IL17RB: variants seen among roughly 807,000 people sequenced by gnomAD.
The protein encoded by IL17RB is interleukin-17 receptor B.
In IL17RB, 36 loss-of-function variants were observed where a neutral mutation model predicts 43.9. That is an observed-to-expected ratio of 0.82 (90% CI 0.63 to 1.08). The LOEUF is 1.08. Among genes scored for constraint, IL17RB ranks in the 50% least tolerant of loss-of-function variants. The probability of loss-of-function intolerance (pLI) is 0.00; values close to 1 mark genes in which losing one functional copy is unlikely to be tolerated. For synonymous variants in IL17RB, 225 were observed against 225.4 expected, an observed-to-expected ratio of 1.00 and a Z score of 0.02; for missense variants, 613 against 613.6, an observed-to-expected ratio of 1.00 and a Z score of 0.01.
chr3:53,846,667 C>A lies in IL17RB; in HGVS notation c.60+19C>A. 6.3e-7 allele frequency: 1 copy of A among 1,583,566 alleles called. No homozygotes were observed. The highest frequency in any genetic ancestry group is 8.6e-7 in the Non-Finnish European group (1 of 1,167,512). On this transcript the variant is annotated intron_variant, in intron 1 of 10. Coordinates refer to ENST00000288167, the MANE Select transcript of IL17RB (RefSeq NM_018725.4). ...AGAGCCGGTAAGCCCCCGCCAGCAC[C>A]TCTTCCCTCATCTCCCGGCCCTCGA...
intron 10 of IL17RB, among the ~76,000 whole-genome samples, chr3:53,863,523 T>C (rs1699648828): frequency 6.6e-6 from 1 of 152,230 alleles, no homozygotes; most frequent in Non-Finnish European, 1.5e-5. Flanking sequence ...CAGGGGCACC[T>C]GGACCTCAGG....
chr3:53,846,725 C>A (rs1379828202), intron 1 of IL17RB, 77 bp downstream of exon 1: 4 of 1,438,478 alleles, frequency 2.8e-6, no homozygotes, highest in Admixed American at 2.1e-5. Flanking sequence ...ATCCGCCAGT[C>A]CAGGCTGCCC....
chr3:53,863,243 T>TAGG (rs952196920), intron 10 of IL17RB, among the ~76,000 whole-genome samples: 28 of 152,192 alleles, frequency 1.8e-4, no homozygotes, highest in African/African-American at 5.8e-4. Context: ...TCAAAGGTTA[T>TAGG]AGGAGATTTT....
rs1322950767 is a variant in IL17RB at position 53,849,783 on chromosome 3, C to G, written c.214C>G (p.Leu72Val). 6.3e-7 allele frequency: 1 copy of G among 1,599,964 alleles called. No individual in the cohort carries two copies. Among genetic ancestry groups the G allele is most frequent in the East Asian group, 2.3e-5 (1 of 44,412 alleles). The change falls in exon 3 of 11, where the codon CTC (leucine) becomes GTC (valine). Residue 72 changes from leucine (L) to valine (V), a missense_variant. Physicochemically the swap from Leu to Val is conservative, Grantham distance 32 (BLOSUM62 1). Transcript: ENST00000288167. The part of the protein sequence containing the change: ...YSILMNVSWV[L>V]RADASIRLLK... The stretch of plus-strand genomic sequence containing the variant: ...AATTTTGATGAATGTAAGCTGGGTA[C>G]TCCGGGCAGATGGTAAGTTTGCATC...
rs976443123 is a variant in IL17RB, at chr3:53,865,313, C to T, written c.*5C>T. On this transcript the variant is annotated 3_prime_UTR_variant, in exon 11 of 11. Transcript: ENST00000288167. Reference sequence around the variant, plus strand: ...GATGGCTGCTGCTCCTTGTAGCCCACCCATGAGAAGCAAGAGACCTTAAAG... The same window carrying T: ...GATGGCTGCTGCTCCTTGTAGCCCATCCATGAGAAGCAAGAGACCTTAAAG... 1.9e-6 allele frequency: 3 copies of T among 1,596,410 alleles called. No individual in the cohort carries two copies. Among genetic ancestry groups the T allele is most frequent in the African/African-American group, 1.3e-5 (1 of 74,646 alleles).
At chr3:53,864,340 T>C (rs1224151361) in intron 10 of IL17RB, among the ~76,000 whole-genome samples, 1 of 152,112 alleles carries the variant, frequency 6.6e-6, no homozygotes, top group East Asian at 1.9e-4. Context: ...ATCGAGACCA[T>C]CCTGGCTAAC....
At chr3:53,849,877 C>T in intron 3 of IL17RB, 82 bp downstream of exon 3, 1 of 1,362,376 alleles carries the variant, frequency 7.3e-7, no homozygotes, top group South Asian at 1.5e-5. Context: ...ATTAATTCCC[C>T]TTCTACGCAT....
At chr3:53,851,679 A>G (rs1462333978) in intron 3 of IL17RB, among the ~76,000 whole-genome samples, 1 of 152,184 alleles carries the variant, frequency 6.6e-6, no homozygotes, top group Non-Finnish European at 1.5e-5. Context: ...GAGACCCAGA[A>G]TAGTGCAGAG....
At chr3:53,854,229 G>T (rs1169612320) in intron 5 of IL17RB, among the ~76,000 whole-genome samples, 1 of 152,180 alleles carries the variant, frequency 6.6e-6, no homozygotes, top group Non-Finnish European at 1.5e-5. Context: ...TTACAGAAAA[G>T]TTGCAAAGAT....
chr3:53,848,794 T>C (rs950845326), intron 2 of IL17RB, 106 bp downstream of exon 2: 21 of 1,181,798 alleles, frequency 1.8e-5, no homozygotes, highest in Non-Finnish European at 2.7e-5. Flanking sequence ...AGACACAGGG[T>C]GACCCATTGC....
At chr3:53,859,528 T>C (rs1038718047) in intron 9 of IL17RB, 1 of 152,464 alleles carries the variant, frequency 6.6e-6, no homozygotes, top group Non-Finnish European at 1.5e-5. Context: ...GTGAGGCGGG[T>C]GGCACTATCC....
chr3:53,862,512 GA>G (rs746501502), intron 10 of IL17RB, among the ~76,000 whole-genome samples: 2 of 152,196 alleles, frequency 1.3e-5, no homozygotes, highest in African/African-American at 2.4e-5. Context: ...GCCAATCAAG[GA>G]AAGAGATTGT....
Position 53,846,743 on chromosome 3 carries a change from G to T in IL17RB, c.60+95G>T. 5.3e-6 allele frequency: 7 copies of T among 1,327,208 alleles called. No individual in the cohort carries two copies. The South Asian group carries it at 9.4e-5, about 18-fold the overall frequency. The allele number at this position is 1,327,208 out of a possible 1,614,324, so 82.2% of individuals were successfully genotyped here. ...CGCCAGTCCAGGCTGCCCCGAAGGC[G>T]TGCGCGGACTGCCGGCTCAAGGGGC... On this transcript the variant is annotated intron_variant, in intron 1 of 10. Coordinates refer to ENST00000288167, the MANE Select transcript of IL17RB (RefSeq NM_018725.4).
At chr3:53,856,737 G>T in intron 6 of IL17RB, 107 bp from the exon 7 acceptor site, 1 of 1,069,784 alleles carries the variant, frequency 9.3e-7, no homozygotes, top group Non-Finnish European at 1.4e-6. Flanking sequence ...CCTATCTCTT[G>T]GACATTGTTC....
intron 8 of IL17RB, 43 bp downstream of exon 8, chr3:53,857,733 A>C: frequency 1.3e-6 from 2 of 1,500,154 alleles, no homozygotes; most frequent in Non-Finnish European, 1.9e-6. Flanking sequence ...GGGACATAGA[A>C]GACTGTTCCA....
chr3:53,852,369 A>C (rs1699182854), intron 4 of IL17RB, among the ~76,000 whole-genome samples: 1 of 152,106 alleles, frequency 6.6e-6, no homozygotes, highest in South Asian at 2.1e-4. Flanking sequence ...TCCAGTGCTC[A>C]AGCGATCTGC....
intron 10 of IL17RB, chr3:53,860,946 G>A (rs955344815): frequency 2.6e-5 from 4 of 152,116 alleles, no homozygotes; most frequent in Non-Finnish European, 4.4e-5. Flanking sequence ...TGAGAGAAAC[G>A]TGAGCATAAA....
chr3:53,848,212 G>A (rs1204885651), intron 1 of IL17RB, among the ~76,000 whole-genome samples: 1 of 152,226 alleles, frequency 6.6e-6, no homozygotes, highest in Admixed American at 6.5e-5. Context: ...AAAGTACCAT[G>A]GACTGCATTC....
intron 10 of IL17RB, 89 bp from the exon 11 acceptor site, chr3:53,864,657 A>T: frequency 1.0e-6 from 1 of 995,200 alleles, no homozygotes; most frequent in Non-Finnish European, 1.5e-6. Flanking sequence ...GACATTCTCT[A>T]GCAAGGGATC....
Sources: gnomAD v4.1 joint callset for allele counts (sites outside exome capture counted in the v4.1 genomes callset) on GRCh38, gnomAD v4.1.1 for gene constraint, MANE v1.5 for transcripts, NCBI Gene and HGNC (gene_info 2026-07-23, HGNC 2026-07-21) for gene names.